Variants in NRXN1 observed in about 807,000 individuals in gnomAD.
The protein encoded by NRXN1 is neurexin 1.
A neutral mutation model predicts 150.9 loss-of-function variants in NRXN1; 39 were observed. The ratio of observed to expected loss-of-function variants is 0.26; its 90% CI spans 0.20 to 0.34. The LOEUF is 0.34. Among genes scored for constraint, NRXN1 ranks in the 10% least tolerant of loss-of-function variants. The pLI, the probability that NRXN1 is intolerant of heterozygous loss-of-function variation, is 1.00. For synonymous variants in NRXN1, 924 were observed against 757.0 expected (o/e 1.22, Z -3.62); for missense variants, 1,815 against 1,949.9 (o/e 0.93, Z 1.30).
At chr2:50,810,609 C>T (rs926335485) in intron 5 of NRXN1, among the ~76,000 whole-genome samples, 1 of 152,008 alleles carries the variant, frequency 6.6e-6, no homozygotes, top group African/African-American at 2.4e-5. Flanking sequence ...TCCTGAACAC[C>T]CTCTAAAAGC....
At chr2:50,569,516 A>ATG (rs770590834) in intron 8 of NRXN1, among the ~76,000 whole-genome samples, 6 of 152,050 alleles carry the variant, frequency 3.9e-5, no homozygotes, top group Admixed American at 6.6e-5. Flanking sequence ...TGTTATATAT[A>ATG]TTATATGTAA....
intron 17 of NRXN1, among the ~76,000 whole-genome samples, chr2:50,402,942 G>A (rs1025664336): frequency 2.6e-5 from 4 of 152,118 alleles, no homozygotes; most frequent in Non-Finnish European, 4.4e-5. Context: ...ACACAGTAAA[G>A]TGTACTTAAA....
rs79277773 is a variant in NRXN1 at position 50,791,087 on chromosome 2, G to T, written c.832+130782C>A. ...CAGCAACTAAAAGTGGATTTATGTT[G>T]TTTTTTTTTTTCAGCAATAAGTAAA... On this transcript the variant is annotated intron_variant, in intron 5 of 22. Coordinates refer to ENST00000401669, the MANE Select transcript of NRXN1 (RefSeq NM_001330078.2). 6.3e-4 allele frequency among the ~76,000 whole-genome samples: 75 copies of T among 119,448 alleles called. 1 individual carries two copies. The East Asian group carries it at 0.016, about 26-fold the overall frequency. 78.4% of individuals were successfully genotyped at this position (119,448 alleles called of 152,430 possible). A position where few individuals can be genotyped will look rare whatever the true frequency, so the allele number is the denominator to read the frequency against.
intron 18 of NRXN1, among the ~76,000 whole-genome samples, chr2:50,211,105 A>G (rs893519669): frequency 9.9e-5 from 15 of 151,758 alleles, no homozygotes; most frequent in African/African-American, 3.6e-4. Flanking sequence ...AAAAAATTTA[A>G]AAGTGGCCAC....
intron 5 of NRXN1, among the ~76,000 whole-genome samples, chr2:50,881,095 T>C (rs1294635151): frequency 6.6e-6 from 1 of 151,958 alleles, no homozygotes; most frequent in Non-Finnish European, 1.5e-5. Flanking sequence ...TCAGATGAAC[T>C]TACCCAGACT....
intron 5 of NRXN1, among the ~76,000 whole-genome samples, chr2:50,744,736 G>A (rs984298020): frequency 7.2e-5 from 11 of 152,010 alleles, no homozygotes; most frequent in Non-Finnish European, 7.4e-5. Flanking sequence ...TTGTGAATAT[G>A]TATATTCATA....
At chr2:50,021,698 TA>T (rs1006534569) in intron 21 of NRXN1, among the ~76,000 whole-genome samples, 10 of 152,184 alleles carry the variant, frequency 6.6e-5, no homozygotes, top group African/African-American at 2.4e-4. Flanking sequence ...ATTCAGTAAT[TA>T]AAAACATTTT....
intron 17 of NRXN1, among the ~76,000 whole-genome samples, chr2:50,258,519 G>A (rs2067942126): frequency 6.6e-6 from 1 of 151,990 alleles, no homozygotes; most frequent in South Asian, 2.1e-4. Context: ...CACATCTGTA[G>A]TTACCTCCTC....
At chr2:50,954,971 G>A (rs1465989310) in intron 2 of NRXN1, among the ~76,000 whole-genome samples, 1 of 152,070 alleles carries the variant, frequency 6.6e-6, no homozygotes, top group East Asian at 1.9e-4. Flanking sequence ...CAACTCAACT[G>A]GCACTTACAC....
intron 21 of NRXN1, chr2:49,970,243 C>A (rs954688810): frequency 6.6e-6 from 1 of 151,800 alleles, no homozygotes; most frequent in Non-Finnish European, 1.5e-5. Flanking sequence ...TAGCACAACA[C>A]TGAAAAAAAT....
intron 2 of NRXN1, chr2:50,963,991 T>A (rs1473582203): frequency 1.8e-5 from 8 of 442,352 alleles, no homozygotes; most frequent in Non-Finnish European, 3.2e-5. Context: ...CTTCTCTTTA[T>A]GAAAAATAGA....
intron 5 of NRXN1, among the ~76,000 whole-genome samples, chr2:50,912,600 T>G (rs1684676337): frequency 1.3e-5 from 2 of 151,444 alleles, no homozygotes; most frequent in Non-Finnish European, 1.5e-5. Flanking sequence ...GGGCTGTCCC[T>G]CTGAGAACTA....
intron 17 of NRXN1, among the ~76,000 whole-genome samples, chr2:50,265,548 C>G (rs1484098930): frequency 6.6e-6 from 1 of 152,116 alleles, no homozygotes; most frequent in African/African-American, 2.4e-5. Context: ...GTTACTAGTT[C>G]CTGGACAGAA....
intron 5 of NRXN1, among the ~76,000 whole-genome samples, chr2:50,709,610 T>G (rs1017229022): frequency 6.6e-6 from 1 of 152,080 alleles, no homozygotes; most frequent in African/African-American, 2.4e-5. Context: ...ACCTGAGATA[T>G]GACCTGAAGG....
chr2:50,257,075 T>C (rs1007228814), intron 17 of NRXN1, among the ~76,000 whole-genome samples: 1 of 152,134 alleles, frequency 6.6e-6, no homozygotes, highest in Non-Finnish European at 1.5e-5. Context: ...TTTAACCTTA[T>C]GAGGCAAGTA....
At chr2:50,366,807 AAG>A (rs2079613895) in intron 17 of NRXN1, among the ~76,000 whole-genome samples, 1 of 151,998 alleles carries the variant, frequency 6.6e-6, no homozygotes, top group Non-Finnish European at 1.5e-5. Flanking sequence ...ATGGAGAAGA[AAG>A]AAGACAGAAG....
rs555154047 is a variant in NRXN1 at position 50,166,147 on chromosome 2, T to C, written c.3546+70642A>G. Among the ~76,000 whole-genome samples, 36 of 152,230 alleles carry C rather than the reference T, an allele frequency of 2.4e-4. No individual in the cohort carries two copies. The South Asian group carries it at 7.0e-3, about 30-fold the overall frequency. On this transcript the variant is annotated intron_variant, in intron 18 of 22. Transcript: ENST00000401669. ...CTCAAAAGAAATGCTCATTGAAACA[T>C]TTTGGATTTTGGATTTTCAGATTTG... is the stretch of plus-strand genomic sequence containing the variant.
At chr2:50,132,441 G>T (rs1705665165) in intron 18 of NRXN1, among the ~76,000 whole-genome samples, 1 of 151,690 alleles carries the variant, frequency 6.6e-6, no homozygotes, top group South Asian at 2.1e-4. Context: ...GAGTATCTGG[G>T]ACTACAAGGG....
At chr2:50,061,548 G>A (rs1354676671) in intron 19 of NRXN1, among the ~76,000 whole-genome samples, 1 of 152,142 alleles carries the variant, frequency 6.6e-6, no homozygotes, top group Non-Finnish European at 1.5e-5. Context: ...TAAGGATAAA[G>A]CAATAAATGA....
Sources: gnomAD v4.1 joint callset for allele counts (sites outside exome capture counted in the v4.1 genomes callset) on GRCh38, gnomAD v4.1.1 for gene constraint, MANE v1.5 for transcripts, NCBI Gene and HGNC (gene_info 2026-07-23, HGNC 2026-07-21) for gene names.